Variants in POR observed in about 807,000 individuals in gnomAD.
POR encodes cytochrome p450 oxidoreductase.
POR carries 56 observed loss-of-function variants against 84.0 expected under a neutral mutation model. That is an observed-to-expected ratio of 0.67 (90% CI 0.54 to 0.83). The LOEUF is 0.83. Ranked by LOEUF, POR falls within the 40% of genes least tolerant of loss-of-function variation. The probability of loss-of-function intolerance (pLI) is 0.00; values close to 1 mark genes in which losing one functional copy is unlikely to be tolerated. For synonymous variants in POR, 414 were observed against 400.5 expected, an observed-to-expected ratio of 1.03 and a Z score of -0.40; for missense variants, 938 against 944.3, an observed-to-expected ratio of 0.99 and a Z score of 0.09.
At chr7:75,952,692 G>A (rs1787497724) in intron 1 of POR, among the ~76,000 whole-genome samples, 1 of 151,280 alleles carries the variant, frequency 6.6e-6, no homozygotes, top group Non-Finnish European at 1.5e-5. Flanking sequence ...CGGGGCGGCG[G>A]GGCAGAGGCG....
chr7:75,981,075 G>C lies in POR; in HGVS notation c.544G>C (p.Glu182Gln), dbSNP rs1040011042. Residue 182 changes from glutamate to glutamine, a missense_variant, in exon 6 of 16, where the codon GAG becomes CAG. Coordinates refer to ENST00000461988, the MANE Select transcript of POR (RefSeq NM_000941.3). ...GTTTGGTCTTGGGAACAAGACCTAC[G>C]AGCACTTCAATGCCATGGGCAAGTA... 6.3e-7 allele frequency: 1 copy of C among 1,575,966 alleles called. No homozygotes were observed. The highest frequency in any genetic ancestry group is 8.6e-7 in the Non-Finnish European group (1 of 1,161,240).
At chr7:75,933,077 G>A (rs1807496120) in intron 1 of POR, among the ~76,000 whole-genome samples, 1 of 151,380 alleles carries the variant, frequency 6.6e-6, no homozygotes, top group Non-Finnish European at 1.5e-5. Context: ...TAAAAAACTG[G>A]TAGAATGAAA....
intron 6 of POR, 115 bp from the exon 7 acceptor site, chr7:75,981,402 G>C (rs1585129495): frequency 6.4e-6 from 8 of 1,241,132 alleles, no homozygotes; most frequent in East Asian, 2.5e-5. Context: ...GGGTGCCCCA[G>C]GGTGCACAGT....
At position 75,983,851 on chromosome 7, in the gene POR, T is replaced by C; in HGVS notation, c.1061T>C (p.Leu354Pro). ...GACGTCGTCATGTCCCTGAACAACC[T>C]GGATGGTGAGTGCCACAGTCAGGGC... Residue 354 changes from leucine to proline, a missense_variant, in exon 10 of 16, where the codon CTG becomes CCG. Leu to Pro is a moderately conservative substitution (Grantham distance 98). Transcript: ENST00000461988. The C allele has an allele frequency of 6.2e-7, 1 of 1,605,084 alleles. No homozygotes were observed. Among genetic ancestry groups the C allele is most frequent in the Non-Finnish European group, 8.5e-7 (1 of 1,176,026 alleles).
intron 15 of POR, 45 bp downstream of exon 15, chr7:75,986,286 C>CCT: frequency 6.2e-7 from 1 of 1,612,598 alleles, no homozygotes; most frequent in Non-Finnish European, 8.5e-7. Flanking sequence ...GAGGACAAGG[C>CCT]CCTGCCTGCC....
At chr7:75,953,640 G>A (rs1248969633) in intron 1 of POR, among the ~76,000 whole-genome samples, 6 of 152,192 alleles carry the variant, frequency 3.9e-5, no homozygotes, top group African/African-American at 1.4e-4. Flanking sequence ...CCTGCCCCCC[G>A]TGCGGTGTCC....
At chr7:75,926,234 C>T (rs187759178) in intron 1 of POR, among the ~76,000 whole-genome samples, 36 of 151,990 alleles carry the variant, frequency 2.4e-4, no homozygotes, top group Non-Finnish European at 4.7e-4. Context: ...TGGGCTCAAA[C>T]GATCCTCCTG....
chr7:75,983,492 T>A, intron 8 of POR, 28 bp from the exon 9 acceptor site: 1 of 1,540,958 alleles, frequency 6.5e-7, no homozygotes, highest in Non-Finnish European at 9.0e-7. Context: ...CCCCGGCCGC[T>A]CACTGTGCTT....
At chr7:75,957,543 G>A (rs1414573817) in intron 2 of POR, among the ~76,000 whole-genome samples, 1 of 54,772 alleles carries the variant, frequency 1.8e-5, no homozygotes, top group Non-Finnish European at 8.2e-5. Context: ...CTGGGAGCCT[G>A]CGGAGCTTGC....
intron 7 of POR, 142 bp downstream of exon 7, chr7:75,981,748 A>C (rs1377617891): frequency 1.4e-6 from 1 of 715,844 alleles, no homozygotes; most frequent in African/African-American, 1.8e-5. Context: ...CCTTGGTCCC[A>C]GCCAAGGACT....
intron 1 of POR, among the ~76,000 whole-genome samples, chr7:75,935,400 C>T (rs764100057): frequency 5.9e-5 from 9 of 152,124 alleles, no homozygotes; most frequent in Non-Finnish European, 1.2e-4. Flanking sequence ...GCACCCACCA[C>T]CATGCCCAGG....
chr7:75,948,329 C>T (rs2116379195), intron 1 of POR, among the ~76,000 whole-genome samples: 1 of 152,348 alleles, frequency 6.6e-6, no homozygotes, highest in South Asian at 2.1e-4. Flanking sequence ...AGGCTGAGCG[C>T]TGGGAGTGCC....
rs117738458 is a variant in POR, at chr7:75,924,799, G to A, written c.-5+9620G>A. ...AAAATAAAAGGAGTTGAGTGTAACC[G>A]TTGAGTGTCTGCGCTGGGTGTTTAT... On this transcript the variant is annotated intron_variant, in intron 1 of 15. Coordinates refer to ENST00000461988, the MANE Select transcript of POR (RefSeq NM_000941.3). Among the ~76,000 whole-genome samples, 36 of 152,296 alleles carry A rather than the reference G, an allele frequency of 2.4e-4. 1 individual carries two copies. The East Asian group carries it at 6.6e-3, about 28-fold the overall frequency.
chr7:75,981,485 G>A (rs1563431003), intron 6 of POR, 32 bp from the exon 7 acceptor site: 4 of 1,591,290 alleles, frequency 2.5e-6, no homozygotes, highest in East Asian at 2.3e-5. Context: ...GGCCTCCCCT[G>A]AGCCGCTCCC....
intron 7 of POR, 145 bp downstream of exon 7, chr7:75,981,751 C>T (rs1789059430): frequency 2.8e-6 from 2 of 702,810 alleles, no homozygotes; most frequent in Non-Finnish European, 4.7e-6. Context: ...TGGTCCCAGC[C>T]AAGGACTCAC....
At chr7:75,915,649 C>T (rs1806522183) in intron 1 of POR, 1 of 152,276 alleles carries the variant, frequency 6.6e-6, no homozygotes, top group African/African-American at 2.4e-5. Context: ...GGACCCGAAT[C>T]TAACCCTGCA....
intron 2 of POR, among the ~76,000 whole-genome samples, chr7:75,969,286 A>G (rs1344568011): frequency 1.3e-5 from 2 of 152,128 alleles, no homozygotes; most frequent in Non-Finnish European, 2.9e-5. Context: ...GCAGCTCTTT[A>G]ATAATAGTGT....
At chr7:75,926,724 G>T (rs559856333) in intron 1 of POR, among the ~76,000 whole-genome samples, 1 of 152,276 alleles carries the variant, frequency 6.6e-6, no homozygotes, top group African/African-American at 2.4e-5. Context: ...AACCCGGGGG[G>T]CAGAGGTTGC....
At chr7:75,962,013 C>CAA (rs782366811) in intron 2 of POR, among the ~76,000 whole-genome samples, 3 of 128,854 alleles carry the variant, frequency 2.3e-5, no homozygotes, top group Non-Finnish European at 3.3e-5. Flanking sequence ...GACCCTGTCT[C>CAA]AAAAAAAAAA....
Sources: allele counts gnomAD v4.1 joint callset (sites outside exome capture counted in the v4.1 genomes callset), GRCh38; gene constraint gnomAD v4.1.1; transcripts MANE v1.5; gene names NCBI Gene and HGNC (gene_info 2026-07-23, HGNC 2026-07-21).